Variants in ARHGEF12 observed in about 807,000 individuals in gnomAD.
ARHGEF12 encodes KMT2A/ARHGEF12 fusion protein.
In ARHGEF12, 66 loss-of-function variants were observed where a neutral mutation model predicts 211.2. The observed-to-expected ratio is 0.31, with a 90% CI of 0.26 to 0.38. ARHGEF12 has a LOEUF of 0.38. Ranked by LOEUF, ARHGEF12 falls within the 10% of genes least tolerant of loss-of-function variation. ARHGEF12 has a pLI of 1.00. For missense variants in ARHGEF12, 1,429 were observed against 1,869.5 expected (o/e 0.76, Z 4.34); for synonymous variants, 592 against 638.4 (o/e 0.93, Z 1.09).
chr11:120,347,141 TTCC>T (rs1239983280), intron 1 of ARHGEF12, among the ~76,000 whole-genome samples: 17 of 47,938 alleles, frequency 3.5e-4, no homozygotes, highest in East Asian at 2.8e-3. Flanking sequence ...CTTTCCTTCC[TTCC>T]TTCCTTCCTT....
intron 22 of ARHGEF12, among the ~76,000 whole-genome samples, chr11:120,456,628 T>G (rs1183248678): frequency 6.6e-6 from 1 of 152,250 alleles, no homozygotes; most frequent in Non-Finnish European, 1.5e-5. Flanking sequence ...ATGTTGTTCC[T>G]CATCATATAC....
chr11:120,367,353 C>CTTTTTTTTTTTTTTTTTTTTTT lies in ARHGEF12; in HGVS notation c.32+30087_32+30108dup, dbSNP rs1025919456. ...AAAAAATCTGTTAGGATACTTTTTCCTTTTTTTTTTTTTTTTTTTTTTTTT... is the reference window on the plus strand; with the variant it reads ...AAAAAATCTGTTAGGATACTTTTTCCTTTTTTTTTTTTTTTTTTTTTTTTTTTTTTTTTTTTTTTTTTTTTTT... On this transcript the variant is annotated intron_variant, in intron 1 of 40. Coordinates refer to ENST00000397843, the MANE Select transcript of ARHGEF12 (RefSeq NM_015313.3). Among the ~76,000 whole-genome samples, 34 of 59,350 alleles carry CTTTTTTTTTTTTTTTTTTTTTT rather than the reference C, an allele frequency of 5.7e-4. 7 individuals carry two copies. Among genetic ancestry groups the CTTTTTTTTTTTTTTTTTTTTTT allele is most frequent in the African/African-American group, 7.7e-4 (10 of 12,948 alleles). The allele number at this position is 59,350 out of a possible 152,430, so 38.9% of individuals were successfully genotyped here. A position where few individuals can be genotyped will look rare whatever the true frequency, so the allele number is the denominator to read the frequency against.
intron 1 of ARHGEF12, chr11:120,337,684 T>C (rs1459306357): frequency 4.1e-6 from 4 of 985,280 alleles, no homozygotes; most frequent in East Asian, 1.1e-4. Flanking sequence ...GACAATTACA[T>C]TTTAGGAATT....
intron 22 of ARHGEF12, among the ~76,000 whole-genome samples, chr11:120,453,862 A>G (rs1331353190): frequency 2.0e-5 from 3 of 152,244 alleles, no homozygotes; most frequent in African/African-American, 7.2e-5. Flanking sequence ...TATGTTATGC[A>G]GTGCAGGAAT....
intron 33 of ARHGEF12, chr11:120,475,855 G>A: frequency 5.8e-6 from 1 of 172,602 alleles, no homozygotes; most frequent in Non-Finnish European, 1.2e-5. Flanking sequence ...GACGGATGTA[G>A]TGTTGATTAA....
chr11:120,478,075 C>A, intron 36 of ARHGEF12, 81 bp from the exon 37 acceptor site: 41 of 705,200 alleles, frequency 5.8e-5, no homozygotes, highest in East Asian at 9.6e-5. Context: ...TTTTTTTTTT[C>A]TGATTCTTCC....
chr11:120,457,487 A>C (rs1946397957), intron 23 of ARHGEF12: 1 of 435,924 alleles, frequency 2.3e-6, no homozygotes, highest in African/African-American at 2.0e-5. Flanking sequence ...AAAATAAATA[A>C]ATAAATAAAT....
intron 17 of ARHGEF12, 94 bp downstream of exon 17, chr11:120,446,602 T>C: frequency 1.1e-6 from 1 of 893,952 alleles, no homozygotes; most frequent in Non-Finnish European, 1.7e-6. Context: ...AGCTTAGCAC[T>C]AGATAAACCA....
intron 1 of ARHGEF12, among the ~76,000 whole-genome samples, chr11:120,392,258 G>GCTC (rs1215420792): frequency 2.0e-5 from 3 of 152,062 alleles, no homozygotes; most frequent in Non-Finnish European, 4.4e-5. Context: ...CCCATGGCTG[G>GCTC]CTCCTTCATT....
In ARHGEF12 at chr11:120,485,117, G is replaced by C. The variant is rs771734661; in HGVS notation, c.*40G>C. The stretch of plus-strand genomic sequence containing the variant: ...GAGGTGACTGCAGGTTGTTGGATTT[G>C]GAGTATCGGCCGTGTCTCACCACAT... On this transcript the variant is annotated 3_prime_UTR_variant, in exon 41 of 41. Coordinates refer to ENST00000397843, the MANE Select transcript of ARHGEF12 (RefSeq NM_015313.3). 1 of 1,612,720 alleles carries C rather than the reference G, an allele frequency of 6.2e-7. No homozygotes were observed. The highest frequency in any genetic ancestry group is 1.3e-5 in the African/African-American group (1 of 75,000).
In ARHGEF12 at chr11:120,337,213, A is replaced by G; in HGVS notation, c.-31A>G. ...GGTGTTACTGTAAAATGCAAGTTGG[A>G]TAAAAGGAGGACCTCTCGCCAAGGG... On this transcript the variant is annotated 5_prime_UTR_variant, in exon 1 of 41. Transcript: ENST00000397843. 1.2e-6 allele frequency: 2 copies of G among 1,614,108 alleles called. No homozygotes were observed. The highest frequency in any genetic ancestry group is 1.1e-5 in the South Asian group (1 of 91,072).
At chr11:120,441,912 T>C in intron 14 of ARHGEF12, 95 bp downstream of exon 14, 1 of 1,139,300 alleles carries the variant, frequency 8.8e-7, no homozygotes, top group Non-Finnish European at 1.3e-6. Context: ...GGCAGACTTC[T>C]TTCAGTTTTC....
At chr11:120,427,449 T>C (rs1945378959) in intron 7 of ARHGEF12, among the ~76,000 whole-genome samples, 2 of 151,914 alleles carry the variant, frequency 1.3e-5, no homozygotes, top group Non-Finnish European at 2.9e-5. Flanking sequence ...ACACCTCTAA[T>C]CCTAGCACCT....
chr11:120,414,487 C>T (rs1436657538), intron 4 of ARHGEF12, among the ~76,000 whole-genome samples: 1 of 151,982 alleles, frequency 6.6e-6, no homozygotes, highest in East Asian at 1.9e-4. Context: ...ATTTAGTGAG[C>T]ACCCATTACA....
rs376090334 is a variant in ARHGEF12, at chr11:120,409,447, T to C, written c.196T>C (p.Tyr66His). ...SSSEESRSEI[Y>H]GLVQRCVIIQ... Reference sequence around the variant, plus strand: ...TTCAGAGGAGAGTAGATCCGAGATATATGGTAAGCTAATGTAGCTAATTCA... The same window carrying C: ...TTCAGAGGAGAGTAGATCCGAGATACATGGTAAGCTAATGTAGCTAATTCA... The change falls in exon 4 of 41, where the codon TAT becomes CAT. Residue 66 changes from tyrosine (Y) to histidine (H), a missense_variant. Physicochemically the swap from Tyr to His is moderately conservative, Grantham distance 83 (BLOSUM62 2). Coordinates refer to ENST00000397843, the MANE Select transcript of ARHGEF12 (RefSeq NM_015313.3). The C allele has an allele frequency of 2.2e-5, 36 of 1,613,702 alleles. No homozygotes were observed. The highest frequency in any genetic ancestry group is 2.7e-5 in the African/African-American group (2 of 74,928).
chr11:120,362,373 A>G (rs1199083084), intron 1 of ARHGEF12, among the ~76,000 whole-genome samples: 1 of 152,234 alleles, frequency 6.6e-6, no homozygotes, highest in Non-Finnish European at 1.5e-5. Flanking sequence ...TCCTCTGCAG[A>G]ACATGACTTT....
intron 8 of ARHGEF12, 34 bp downstream of exon 8, chr11:120,428,281 A>T (rs749637363): frequency 2.0e-6 from 3 of 1,485,872 alleles, no homozygotes; most frequent in Admixed American, 2.1e-5. Flanking sequence ...TTAAATGCTC[A>T]GTCTTATAAG....
At chr11:120,357,210 T>G (rs976835703) in intron 1 of ARHGEF12, among the ~76,000 whole-genome samples, 1 of 152,122 alleles carries the variant, frequency 6.6e-6, no homozygotes, top group East Asian at 1.9e-4. Context: ...CCGTGGCTGG[T>G]TTTGAATTCC....
intron 3 of ARHGEF12, chr11:120,408,319 G>A (rs1392959217): frequency 6.6e-6 from 1 of 152,204 alleles, no homozygotes; most frequent in Non-Finnish European, 1.5e-5. Flanking sequence ...CAGTCAAAAA[G>A]TATTCTGAAC....
Sources: allele counts gnomAD v4.1 joint callset (sites outside exome capture counted in the v4.1 genomes callset), GRCh38; gene constraint gnomAD v4.1.1; transcripts MANE v1.5; gene names NCBI Gene and HGNC (gene_info 2026-07-23, HGNC 2026-07-21).